NOL10: variants seen among roughly 807,000 people sequenced by gnomAD.
NOL10 encodes nucleolar protein 10.
In NOL10, 58 loss-of-function variants were observed where a neutral mutation model predicts 103.5. The observed-to-expected ratio is 0.56, with a 90% CI of 0.45 to 0.70. NOL10 has a LOEUF of 0.70. NOL10 is among the 30% of genes least tolerant of loss of function. The probability of loss-of-function intolerance (pLI) is 0.00; values close to 1 mark genes in which losing one functional copy is unlikely to be tolerated. For synonymous variants in NOL10, 287 were observed against 282.5 expected (o/e 1.02, Z -0.16); for missense variants, 763 against 807.3 (o/e 0.95, Z 0.67).
intron 19 of NOL10, among the ~76,000 whole-genome samples, chr2:10,587,704 T>G (rs376325148): frequency 1.3e-5 from 2 of 152,304 alleles, no homozygotes; most frequent in African/African-American, 4.8e-5. Flanking sequence ...TTGAGGTGCT[T>G]CTGAATTCTA....
intron 3 of NOL10, among the ~76,000 whole-genome samples, chr2:10,679,912 C>T (rs1681609732): frequency 1.3e-5 from 2 of 152,180 alleles, no homozygotes; most frequent in African/African-American, 2.4e-5. Context: ...TGAGCCACCC[C>T]GCCCAGCCCA....
chr2:10,673,082 C>T (rs991497007), intron 5 of NOL10, among the ~76,000 whole-genome samples: 1 of 152,028 alleles, frequency 6.6e-6, no homozygotes, highest in Non-Finnish European at 1.5e-5. Flanking sequence ...TCAGAATATA[C>T]CACAACCATT....
intron 19 of NOL10, among the ~76,000 whole-genome samples, chr2:10,587,512 G>T (rs1470766517): frequency 1.3e-5 from 2 of 149,118 alleles, no homozygotes; most frequent in African/African-American, 5.0e-5. Flanking sequence ...CTCATGATCT[G>T]CCCCCCCCTT....
Position 10,571,873 on chromosome 2 carries a change from G to A in NOL10, c.*198C>T. ...AACGACTCGCAAGCACACCCCTGGG[G>A]CTGTGCGGTGGCCGTCGGCGGGGCC... On this transcript the variant is annotated 3_prime_UTR_variant, in exon 21 of 21. Coordinates refer to ENST00000381685, the MANE Select transcript of NOL10 (RefSeq NM_024894.4). 1 of 570,620 alleles carries A rather than the reference G, an allele frequency of 1.8e-6. No individual in the cohort carries two copies. The allele number at this position is 570,620 out of a possible 1,614,324, so 35.3% of individuals were successfully genotyped here. A position where few individuals can be genotyped will look rare whatever the true frequency, so the allele number is the denominator to read the frequency against.
At chr2:10,640,903 A>G (rs921497906) in intron 13 of NOL10, among the ~76,000 whole-genome samples, 1 of 152,162 alleles carries the variant, frequency 6.6e-6, no homozygotes, top group Non-Finnish European at 1.5e-5. Flanking sequence ...TTGTATATAA[A>G]ATACAACTTT....
chr2:10,659,044 G>C, intron 10 of NOL10, 128 bp downstream of exon 10: 2 of 683,600 alleles, frequency 2.9e-6, no homozygotes, highest in Non-Finnish European at 5.2e-6. Context: ...CCAGCATTCT[G>C]GAATACCCTC....
At chr2:10,671,821 C>T (rs961096249) in intron 5 of NOL10, 131 bp from the exon 6 acceptor site, 62 of 618,124 alleles carry the variant, frequency 1.0e-4, no homozygotes, top group Non-Finnish European at 1.5e-4. Flanking sequence ...ACACACATGT[C>T]CATGCACACA....
At chr2:10,572,394 G>C (rs916446455) in intron 20 of NOL10, among the ~76,000 whole-genome samples, 1 of 152,082 alleles carries the variant, frequency 6.6e-6, no homozygotes, top group African/African-American at 2.4e-5. Context: ...GCAGGACCAA[G>C]GCCAACTTTT....
At chr2:10,649,592 C>T (rs1250306872) in intron 12 of NOL10, among the ~76,000 whole-genome samples, 1 of 152,022 alleles carries the variant, frequency 6.6e-6, no homozygotes, top group Non-Finnish European at 1.5e-5. Context: ...AGTACTAGGA[C>T]TACAGGCATG....
At chr2:10,623,001 T>G (rs1558297580) in intron 13 of NOL10, among the ~76,000 whole-genome samples, 2 of 152,014 alleles carry the variant, frequency 1.3e-5, no homozygotes, top group Non-Finnish European at 2.9e-5. Flanking sequence ...ATGAGCACAC[T>G]CCTTACTGTC....
intron 13 of NOL10, among the ~76,000 whole-genome samples, chr2:10,637,691 GT>G (rs1678357542): frequency 6.6e-6 from 1 of 152,220 alleles, no homozygotes; most frequent in African/African-American, 2.4e-5. Flanking sequence ...TGTGTGGTAT[GT>G]ATTTTTGAGG....
intron 17 of NOL10, 59 bp from the exon 18 acceptor site, chr2:10,589,810 G>C: frequency 9.3e-7 from 1 of 1,077,392 alleles, no homozygotes; most frequent in Non-Finnish European, 1.3e-6. Context: ...AATTTGACCA[G>C]AAACATGGTT....
At chr2:10,616,559 G>T (rs75367069) in intron 13 of NOL10, among the ~76,000 whole-genome samples, 56 of 136,784 alleles carry the variant, frequency 4.1e-4, no homozygotes, top group Middle Eastern at 8.0e-3. Context: ...ATTTTTTTTT[G>T]TTTTTTTGAA....
chr2:10,685,498 C>T (rs1332893594), intron 1 of NOL10, among the ~76,000 whole-genome samples: 2 of 62,338 alleles, frequency 3.2e-5, no homozygotes, highest in East Asian at 6.2e-4. Flanking sequence ...TCCCCCCCCC[C>T]CCCCCCCCCG....
At chr2:10,593,129 GTT>G (rs113342576) in intron 17 of NOL10, among the ~76,000 whole-genome samples, 45,824 of 148,678 alleles carry the variant, frequency 0.31, 7,524 homozygotes, top group Non-Finnish European at 0.39. Flanking sequence ...AAACAAATTA[GTT>G]TTTTTTTTTT....
At chr2:10,648,498 T>G (rs1679237789) in intron 12 of NOL10, among the ~76,000 whole-genome samples, 1 of 152,172 alleles carries the variant, frequency 6.6e-6, no homozygotes, top group African/African-American at 2.4e-5. Context: ...GATTAACCTC[T>G]TACGAGTTAT....
intron 17 of NOL10, among the ~76,000 whole-genome samples, chr2:10,597,124 T>C (rs1171207051): frequency 6.6e-6 from 1 of 152,202 alleles, no homozygotes; most frequent in Non-Finnish European, 1.5e-5. Flanking sequence ...CGTGAGCCAC[T>C]GCACTCGGCC....
rs374330301 is a variant in NOL10, at chr2:10,664,166, T to C, written c.592-1122A>G. On this transcript the variant is annotated intron_variant, in intron 8 of 20. Coordinates refer to ENST00000381685, the MANE Select transcript of NOL10 (RefSeq NM_024894.4). ...ACAGAACAGGCCGGGCATGGTGGCT[T>C]ATGCCTGTAATCCCAGCACTTTTGA... is the stretch of plus-strand genomic sequence containing the variant. Among the ~76,000 whole-genome samples the C allele has an allele frequency of 8.7e-5, 13 of 150,130 alleles. No individual in the cohort carries two copies. In the East Asian group the frequency reaches 1.4e-3, roughly 16 times the overall value.
intron 14 of NOL10, among the ~76,000 whole-genome samples, 156 bp downstream of exon 14, chr2:10,607,029 T>C (rs956682845): frequency 2.0e-5 from 3 of 152,238 alleles, no homozygotes; most frequent in African/African-American, 7.2e-5. Context: ...AGGTTACAAA[T>C]CTGACAATTT....
Sources: gnomAD v4.1 joint callset for allele counts (sites outside exome capture counted in the v4.1 genomes callset) on GRCh38, gnomAD v4.1.1 for gene constraint, MANE v1.5 for transcripts, NCBI Gene and HGNC (gene_info 2026-07-23, HGNC 2026-07-21) for gene names.